The following SUMF1 variants were observed in gnomAD, a reference collection of about 807,000 sequenced individuals.
The protein encoded by SUMF1 is formylglycine-generating enzyme.
A neutral mutation model predicts 47.6 loss-of-function variants in SUMF1; 48 were observed. The observed-to-expected ratio is 1.01, with a 90% CI of 0.80 to 1.28. The LOEUF (loss-of-function observed/expected upper bound fraction) is 1.28, where lower values mean the gene tolerates loss of function less well. Among genes scored for constraint, SUMF1 ranks in the 50% most tolerant of loss-of-function variants. The probability of loss-of-function intolerance (pLI) is 0.00; values close to 1 mark genes in which losing one functional copy is unlikely to be tolerated. For missense variants in SUMF1, 571 were observed against 485.4 expected, an observed-to-expected ratio of 1.18 and a Z score of -1.66; for synonymous variants, 230 against 192.1, an observed-to-expected ratio of 1.20 and a Z score of -1.63.
At chr3:4,241,641 T>C (rs528584176) in intron 8 of SUMF1, among the ~76,000 whole-genome samples, 4 of 152,264 alleles carry the variant, frequency 2.6e-5, no homozygotes, top group Admixed American at 6.5e-5. Context: ...TTGGCCTCCA[T>C]AGCCACTTAA....
intron 8 of SUMF1, among the ~76,000 whole-genome samples, chr3:4,370,246 G>A (rs940313745): frequency 1.3e-5 from 2 of 152,150 alleles, no homozygotes; most frequent in African/African-American, 4.8e-5. Context: ...GCACAAAGGT[G>A]GTTAATGATG....
chr3:4,382,837 G>A (rs558173490), intron 7 of SUMF1, among the ~76,000 whole-genome samples: 9 of 152,172 alleles, frequency 5.9e-5, no homozygotes, highest in East Asian at 3.9e-4. Context: ...ACCAAACACC[G>A]CATGTTCTCA....
intron 8 of SUMF1, among the ~76,000 whole-genome samples, chr3:4,106,955 A>G (rs1160726053): frequency 2.6e-5 from 4 of 152,128 alleles, no homozygotes; most frequent in Admixed American, 6.6e-5. Flanking sequence ...GCAAAACATA[A>G]AAGAGAAAAA....
intron 8 of SUMF1, among the ~76,000 whole-genome samples, chr3:4,085,166 A>G (rs1346167804): frequency 6.6e-6 from 1 of 152,144 alleles, no homozygotes; most frequent in Non-Finnish European, 1.5e-5. Flanking sequence ...ACTAAATTGT[A>G]TTTTAAATGT....
intron 8 of SUMF1, among the ~76,000 whole-genome samples, chr3:4,115,606 G>A (rs2125073589): frequency 6.6e-6 from 1 of 152,092 alleles, no homozygotes; most frequent in Admixed American, 6.5e-5. Context: ...GTTTGGGCGA[G>A]CCACACCCGC....
rs551763709 is a variant in SUMF1, at chr3:4,362,067, C to T, written c.*77G>A. On this transcript the variant is annotated 3_prime_UTR_variant, in exon 9 of 9. Coordinates refer to ENST00000272902, the MANE Select transcript of SUMF1 (RefSeq NM_182760.4). ...AGGGTGGGAATTCTTTGCATGGGAT[C>T]GTTCAAAGTTCTGAGAAAAGCCCAA... 8 of 1,383,244 alleles carry T rather than the reference C, an allele frequency of 5.8e-6. No homozygotes were observed. Among genetic ancestry groups the T allele is most frequent in the East Asian group, 2.3e-5 (1 of 43,138 alleles). 85.7% of individuals were successfully genotyped at this position (1,383,244 alleles called of 1,614,324 possible). A position where few individuals can be genotyped will look rare whatever the true frequency, so the allele number is the denominator to read the frequency against.
intron 3 of SUMF1, among the ~76,000 whole-genome samples, chr3:4,435,190 G>A (rs1281919172): frequency 6.6e-6 from 1 of 152,182 alleles, no homozygotes; most frequent in African/African-American, 2.4e-5. Flanking sequence ...GCCGCCCAAA[G>A]TGCTGGGACT....
rs566041394 is a variant in SUMF1, at chr3:4,174,040, G to C, written c.1015-105295C>G. 4.3e-4 allele frequency among the ~76,000 whole-genome samples: 65 copies of C among 152,218 alleles called. 2 individuals are homozygous for C. The South Asian group carries it at 6.0e-3, about 14-fold the overall frequency. On this transcript the variant is annotated intron_variant and NMD_transcript_variant, in intron 8 of 12. Coordinates refer to the SUMF1 transcript ENST00000448413. ...TGATTTACCCAGAATCATGTAATTA[G>C]CTAGTATTAGCTAGGATTAAATTAT...
At chr3:4,214,621 G>GT (rs1198176070) in intron 8 of SUMF1, among the ~76,000 whole-genome samples, 2 of 152,002 alleles carry the variant, frequency 1.3e-5, no homozygotes, top group Non-Finnish European at 2.9e-5. Context: ...CCCAGGAGCT[G>GT]TTTTTTGAAA....
At chr3:4,252,292 A>G (rs996165625) in intron 8 of SUMF1, among the ~76,000 whole-genome samples, 1 of 152,112 alleles carries the variant, frequency 6.6e-6, no homozygotes, top group African/African-American at 2.4e-5. Context: ...TGAAAAGTCA[A>G]CAAGAAAGTA....
intron 3 of SUMF1, among the ~76,000 whole-genome samples, chr3:4,423,279 T>TACAC (rs56729932): frequency 0.2 from 29,691 of 146,974 alleles, 3,189 homozygotes; most frequent in East Asian, 0.47. Context: ...GAAACTGTGA[T>TACAC]ACACACACAC....
At chr3:4,212,892 C>T (rs139738029) in intron 8 of SUMF1, among the ~76,000 whole-genome samples, 2 of 152,060 alleles carry the variant, frequency 1.3e-5, no homozygotes, top group Non-Finnish European at 1.5e-5. Flanking sequence ...AACAAAGCCT[C>T]CAAGAAATAT....
intron 8 of SUMF1, among the ~76,000 whole-genome samples, chr3:4,375,896 C>A (rs1700311793): frequency 6.6e-6 from 1 of 152,178 alleles, no homozygotes; most frequent in Non-Finnish European, 1.5e-5. Flanking sequence ...GTACCTAGAA[C>A]ACGGGATGCT....
chr3:4,221,366 C>A (rs1696058483), intron 8 of SUMF1, among the ~76,000 whole-genome samples: 1 of 151,494 alleles, frequency 6.6e-6, no homozygotes, highest in Non-Finnish European at 1.5e-5. Flanking sequence ...AAAAGTGCAA[C>A]TTTTCATGTA....
At chr3:4,452,119 C>T (rs1702994941) in intron 2 of SUMF1, among the ~76,000 whole-genome samples, 1 of 150,442 alleles carries the variant, frequency 6.6e-6, no homozygotes, top group Admixed American at 6.6e-5. Context: ...TACAAAAAGA[C>T]ATTTGGGGTC....
At chr3:4,055,363 A>T (rs1212984130) in intron 9 of SUMF1, among the ~76,000 whole-genome samples, 2 of 152,160 alleles carry the variant, frequency 1.3e-5, no homozygotes, top group African/African-American at 4.8e-5. Flanking sequence ...GACTCTTTAT[A>T]ATAGCTCTAT....
At chr3:4,465,356 TCCCAGC>T (rs1309983576) in intron 1 of SUMF1, among the ~76,000 whole-genome samples, 1 of 151,818 alleles carries the variant, frequency 6.6e-6, no homozygotes, top group East Asian at 1.9e-4. Flanking sequence ...GTGCCTGTAA[TCCCAGC>T]TACTTGGGAG....
intron 7 of SUMF1, among the ~76,000 whole-genome samples, chr3:4,387,852 C>CA (rs1330174419): frequency 6.6e-6 from 1 of 152,016 alleles, no homozygotes; most frequent in Non-Finnish European, 1.5e-5. Context: ...AAGCGTGTTT[C>CA]ATAGTTTCCA....
chr3:4,312,718 A>AAC lies in SUMF1; in HGVS notation c.1014+63611_1014+63612insGT, dbSNP rs1698457189. On this transcript the variant is annotated intron_variant and NMD_transcript_variant, in intron 8 of 12. Coordinates refer to the SUMF1 transcript ENST00000448413. ...CCCTGTCTCTTAAAAAAAAAAAAAA[A>AAC]AAACTTGTTTTATTGAAGAGAGATG... 2.6e-5 allele frequency among the ~76,000 whole-genome samples: 4 copies of AAC among 151,654 alleles called. No individual in the cohort carries two copies. The South Asian group carries it at 6.4e-4, about 24-fold the overall frequency.
Sources: allele counts gnomAD v4.1 joint callset (sites outside exome capture counted in the v4.1 genomes callset), GRCh38; gene constraint gnomAD v4.1.1; transcripts MANE v1.5; gene names NCBI Gene and HGNC (gene_info 2026-07-23, HGNC 2026-07-21).